Variants in ELP6 observed in about 807,000 individuals in gnomAD.
ELP6 encodes the protein elongator acetyltransferase complex subunit 6.
ELP6 carries 23 observed loss-of-function variants against 28.1 expected under a neutral mutation model. That is an observed-to-expected ratio of 0.82 (90% CI 0.59 to 1.16). The LOEUF (loss-of-function observed/expected upper bound fraction) is 1.16. Ranked by LOEUF, ELP6 falls within the 50% of genes most tolerant of loss-of-function variation. The pLI is 0.00. For missense variants in ELP6, 313 were observed against 334.6 expected (o/e 0.94, Z 0.50); for synonymous variants, 132 against 135.8 (o/e 0.97, Z 0.19).
chr3:47,501,598 C>CT lies in ELP6; in HGVS notation c.525+51dup, dbSNP rs1260491645. The stretch of plus-strand genomic sequence containing the variant: ...GCAAGCAAGTGAGGTCTGGACCTGT[C>CT]TGAGTTCTTGGAGGTCACAGGTGGG... On this transcript the variant is annotated intron_variant, in intron 5 of 6. Coordinates refer to ENST00000296149, the MANE Select transcript of ELP6 (RefSeq NM_001031703.3). The CT allele has an allele frequency of 5.7e-6, 9 of 1,569,354 alleles. No individual in the cohort carries two copies. In the African/African-American group the frequency reaches 9.5e-5, roughly 16 times the overall value.
intron 5 of ELP6, 76 bp downstream of exon 5, chr3:47,501,574 C>G (rs773130914): frequency 7.0e-7 from 1 of 1,434,684 alleles, no homozygotes; most frequent in Non-Finnish European, 9.8e-7. Flanking sequence ...AAGATCACAG[C>G]AAGCAAGTGA....
At chr3:47,511,924 C>T (rs1179000147) in intron 1 of ELP6, 2 of 985,008 alleles carry the variant, frequency 2.0e-6, no homozygotes, top group African/African-American at 3.5e-5. Flanking sequence ...CTTAACTTCT[C>T]TGGGCTTCAG....
In ELP6 at chr3:47,513,682, C is replaced by A. The variant is rs1011034039; in HGVS notation, c.-92G>T. On this transcript the variant is annotated 5_prime_UTR_variant, in exon 1 of 7. Coordinates refer to ENST00000296149, the MANE Select transcript of ELP6 (RefSeq NM_001031703.3). ...GAGCAAAACACACCCGACAGCCCGG[C>A]TCGCGCAAGGAAGCGCGCATGCGCA... The A allele has an allele frequency of 3.3e-6, 5 of 1,537,742 alleles. No individual in the cohort carries two copies. The highest frequency in any genetic ancestry group is 4.4e-6 in the Non-Finnish European group (5 of 1,126,816).
At position 47,511,277 on chromosome 3, in the gene ELP6, G is replaced by C. The variant is rs753248907; in HGVS notation, c.55-51C>G. 2.5e-6 allele frequency: 4 copies of C among 1,590,170 alleles called. No homozygotes were observed. In the Admixed American group the frequency reaches 5.1e-5, roughly 20 times the overall value. On this transcript the variant is annotated intron_variant, in intron 1 of 6. Transcript: ENST00000296149. ...GGTTAGACTCCCTGGAAAGAGGTCA[G>C]CTTAGTGCAGAAATCTAGTCAATTG...
chr3:47,509,489 G>A (rs1028865267), intron 3 of ELP6, among the ~76,000 whole-genome samples: 7 of 152,312 alleles, frequency 4.6e-5, no homozygotes, highest in African/African-American at 9.6e-5. Flanking sequence ...GGCAGGAAAC[G>A]AAAGTCCCTC....
chr3:47,502,446 C>T (rs1056908282), intron 4 of ELP6: 39 of 982,884 alleles, frequency 4.0e-5, no homozygotes, highest in Non-Finnish European at 4.6e-5. Context: ...AAAAGAGACA[C>T]CATACAGCCT....
At chr3:47,499,235 G>C (rs762173254) in intron 5 of ELP6, among the ~76,000 whole-genome samples, 1 of 152,118 alleles carries the variant, frequency 6.6e-6, no homozygotes, top group Admixed American at 6.6e-5. Flanking sequence ...AGTAATAAAA[G>C]GCTGGGCACG....
At chr3:47,507,150 G>A (rs1216289538) in intron 3 of ELP6, among the ~76,000 whole-genome samples, 1 of 150,296 alleles carries the variant, frequency 6.7e-6, no homozygotes, top group South Asian at 2.1e-4. Context: ...ATCACCTGAG[G>A]TCAGGAGTTT....
At chr3:47,512,210 A>T in intron 1 of ELP6, 1 of 257,700 alleles carries the variant, frequency 3.9e-6, no homozygotes, top group Non-Finnish European at 6.1e-6. Flanking sequence ...TGCCTGGAGG[A>T]GTTTACCATT....
intron 6 of ELP6, chr3:47,496,863 T>A: frequency 1.0e-6 from 1 of 985,412 alleles, no homozygotes. Context: ...CACATTAGAA[T>A]TTGTACATTC....
chr3:47,513,312 G>T, intron 1 of ELP6: 2 of 1,368,988 alleles, frequency 1.5e-6, no homozygotes, highest in Non-Finnish European at 1.9e-6. Flanking sequence ...GACTTTTAAG[G>T]ACACGCACAG....
At chr3:47,503,277 G>C (rs1385583816) in intron 4 of ELP6, 28 of 1,274,976 alleles carry the variant, frequency 2.2e-5, no homozygotes, top group Middle Eastern at 2.2e-4. Flanking sequence ...TAAGGCAGTG[G>C]GGGAAGTTCC....
intron 3 of ELP6, among the ~76,000 whole-genome samples, chr3:47,507,433 C>A (rs1231118236): frequency 1.3e-5 from 2 of 150,226 alleles, no homozygotes; most frequent in African/African-American, 2.5e-5. Flanking sequence ...TCAGGATCTA[C>A]ATCTCAACAA....
In ELP6 at chr3:47,498,292, G is replaced by C; in HGVS notation, c.666C>G (p.His222Gln). The change falls in exon 6 of 7, where the codon CAC (histidine) becomes CAG (glutamine). Residue 222 changes from histidine (H) to glutamine (Q), a missense_variant. His to Gln is a conservative substitution (Grantham distance 24). Coordinates refer to ENST00000296149, the MANE Select transcript of ELP6 (RefSeq NM_001031703.3). ...GLATGFCRDV[H>Q]GQLRILWRRP... ...CCAGGAGGCCCCTGCATACCTGCCC[G>C]TGCACATCCCTGCAGAAGCCAGTGG... 1 of 1,613,226 alleles carries C rather than the reference G, an allele frequency of 6.2e-7. No homozygotes were observed. The highest frequency in any genetic ancestry group is 1.1e-5 in the South Asian group (1 of 91,080).
intron 1 of ELP6, chr3:47,512,065 C>T (rs1279653297): frequency 3.0e-6 from 3 of 985,342 alleles, no homozygotes; most frequent in Non-Finnish European, 3.6e-6. Context: ...TTGGAAGTGC[C>T]AGTGGTAACT....
At chr3:47,501,148 T>C (rs1708638143) in intron 5 of ELP6, among the ~76,000 whole-genome samples, 1 of 152,196 alleles carries the variant, frequency 6.6e-6, no homozygotes, top group Non-Finnish European at 1.5e-5. Context: ...CTTTGTTCCT[T>C]CTCTGTTCCC....
chr3:47,500,411 A>C (rs1254562924), intron 5 of ELP6: 2 of 195,436 alleles, frequency 1.0e-5, no homozygotes, highest in Non-Finnish European at 1.9e-5. Context: ...TAGAAAAAAA[A>C]CAAATATGTG....
intron 3 of ELP6, among the ~76,000 whole-genome samples, chr3:47,509,191 A>G (rs1006950007): frequency 6.6e-6 from 1 of 151,142 alleles, no homozygotes; most frequent in Non-Finnish European, 1.5e-5. Flanking sequence ...CCAACTCCTG[A>G]CCTCAGGTGA....
chr3:47,513,426 C>T, intron 1 of ELP6, 111 bp downstream of exon 1: 1 of 1,520,418 alleles, frequency 6.6e-7, no homozygotes, highest in Non-Finnish European at 8.8e-7. Context: ...TCCCAGGTAC[C>T]CCGTGCCGGG....
Sources: allele counts gnomAD v4.1 joint callset (sites outside exome capture counted in the v4.1 genomes callset), GRCh38; gene constraint gnomAD v4.1.1; transcripts MANE v1.5; gene names NCBI Gene and HGNC (gene_info 2026-07-23, HGNC 2026-07-21).